Variants in DNAH11 observed in about 807,000 individuals in gnomAD.
The protein encoded by DNAH11 is dynein axonemal heavy chain 11, also known as axonemal beta dynein heavy chain 11.
DNAH11 carries 442 observed loss-of-function variants against 526.0 expected under a neutral mutation model. The observed-to-expected ratio is 0.84, with a 90% CI of 0.78 to 0.91. The LOEUF (loss-of-function observed/expected upper bound fraction) is 0.91, where lower values mean the gene tolerates loss of function less well. Among genes scored for constraint, DNAH11 ranks in the 40% least tolerant of loss-of-function variants. The probability of loss-of-function intolerance (pLI) is 0.00; values close to 1 mark genes in which losing one functional copy is unlikely to be tolerated. For synonymous variants in DNAH11, 2,461 were observed against 1,935.9 expected (o/e 1.27, Z -7.12); for missense variants, 6,989 against 5,448.7 (o/e 1.28, Z -8.90).
chr7:21,702,108 A>G (rs1784088628), intron 36 of DNAH11, among the ~76,000 whole-genome samples: 1 of 152,210 alleles, frequency 6.6e-6, no homozygotes, highest in African/African-American at 2.4e-5. Context: ...ATTGTATCCA[A>G]TCTCAGAAGT....
At chr7:21,646,318 A>T (rs1403404561) in intron 28 of DNAH11, among the ~76,000 whole-genome samples, 1 of 152,198 alleles carries the variant, frequency 6.6e-6, no homozygotes, top group Non-Finnish European at 1.5e-5. Context: ...TATATGAAAA[A>T]CAGCAGCTTT....
At chr7:21,693,974 C>T (rs1477788796) in intron 35 of DNAH11, among the ~76,000 whole-genome samples, 3 of 152,060 alleles carry the variant, frequency 2.0e-5, no homozygotes, top group South Asian at 4.2e-4. Flanking sequence ...GGAAGTGCCA[C>T]GCACTTTCAA....
chr7:21,796,977 A>C (rs999033556), intron 61 of DNAH11, among the ~76,000 whole-genome samples: 2 of 152,112 alleles, frequency 1.3e-5, no homozygotes, highest in African/African-American at 2.4e-5. Context: ...GTTTCAGTAA[A>C]ATGGTAGAGA....
At chr7:21,722,170 TG>T (rs1784904769) in intron 44 of DNAH11, among the ~76,000 whole-genome samples, 1 of 152,192 alleles carries the variant, frequency 6.6e-6, no homozygotes, top group African/African-American at 2.4e-5. Context: ...ATCTTTACAA[TG>T]GTTCTTCAAG....
chr7:21,814,741 A>C (rs1477550230), intron 63 of DNAH11, among the ~76,000 whole-genome samples: 4 of 152,082 alleles, frequency 2.6e-5, no homozygotes, highest in Non-Finnish European at 5.9e-5. Flanking sequence ...CCACTGTTGT[A>C]TATGCAGTCC....
chr7:21,633,688 A>T (rs1470697672), intron 25 of DNAH11, among the ~76,000 whole-genome samples: 1 of 152,150 alleles, frequency 6.6e-6, no homozygotes, highest in African/African-American at 2.4e-5. Flanking sequence ...GAGTAGGGAG[A>T]CAAGCAAAAG....
intron 20 of DNAH11, among the ~76,000 whole-genome samples, 192 bp from the exon 21 acceptor site, chr7:21,614,922 C>G (rs553252175): frequency 6.6e-6 from 1 of 152,312 alleles, no homozygotes; most frequent in African/African-American, 2.4e-5. Flanking sequence ...TAACAGTAAT[C>G]TGTTCTCACT....
intron 20 of DNAH11, among the ~76,000 whole-genome samples, chr7:21,612,439 C>T (rs1785565110): frequency 6.6e-6 from 1 of 151,192 alleles, no homozygotes; most frequent in Non-Finnish European, 1.5e-5. Context: ...CCAGTAGTCC[C>T]AGCTACTCAG....
intron 50 of DNAH11, 49 bp downstream of exon 50, chr7:21,744,648 G>C: frequency 6.3e-7 from 1 of 1,597,380 alleles, no homozygotes; most frequent in Non-Finnish European, 8.5e-7. Flanking sequence ...CACCAACTGG[G>C]TATTGGGACT....
chr7:21,893,253 T>C (rs1172222435), intron 77 of DNAH11, among the ~76,000 whole-genome samples: 1 of 152,204 alleles, frequency 6.6e-6, no homozygotes, highest in Non-Finnish European at 1.5e-5. Flanking sequence ...TTAATAGTAT[T>C]CCCAATCAGT....
chr7:21,899,405 C>A lies in DNAH11; in HGVS notation c.13119C>A (p.Val4373=), dbSNP rs774789390. The change falls in exon 80 of 82, where the codon GTC becomes GTA. Residue 4373 remains valine (V), a synonymous_variant. Coordinates refer to ENST00000409508, the MANE Select transcript of DNAH11 (RefSeq NM_001277115.2). ...CACAAGACCTTACCCTTCCGGCTGT[C>A]GTGTGGCTCTCCGGCTTCTTCAACC... ...TWTQDLTLPA[V]VWLSGFFNPQ... The A allele has an allele frequency of 4.3e-6, 7 of 1,613,830 alleles. No homozygotes were observed. In the African/African-American group the frequency reaches 9.3e-5, roughly 22 times the overall value.
intron 54 of DNAH11, among the ~76,000 whole-genome samples, chr7:21,757,210 T>C (rs759685303): frequency 6.6e-5 from 10 of 152,194 alleles, no homozygotes; most frequent in Non-Finnish European, 1.3e-4. Flanking sequence ...CTTTCCTACA[T>C]CTTGGGACAG....
At position 21,589,373 on chromosome 7, in the gene DNAH11, T is replaced by C. The variant is rs1245407970; in HGVS notation, c.2139T>C (p.Asn713=). The change falls in exon 12 of 82, where the codon AAT becomes AAC. Residue 713 remains asparagine, a synonymous_variant. Coordinates refer to ENST00000409508, the MANE Select transcript of DNAH11 (RefSeq NM_001277115.2). ...CCTTGGTTAAATTCAGTGCCATAAA[T>C]GGTCTTCTCTGTGTCAATTTTGACC... ...NQPLVKFSAI[N]GLLCVNFDPK... is the part of the protein sequence containing the mutation. The C allele has an allele frequency of 6.2e-7, 1 of 1,607,104 alleles. No homozygotes were observed. Among genetic ancestry groups the C allele is most frequent in the East Asian group, 2.3e-5 (1 of 44,374 alleles).
chr7:21,580,787 G>C (rs1368344556), intron 8 of DNAH11, among the ~76,000 whole-genome samples: 1 of 152,164 alleles, frequency 6.6e-6, no homozygotes, highest in Non-Finnish European at 1.5e-5. Context: ...ATCGTATTGA[G>C]GGTTAGGATT....
At chr7:21,874,445 C>A (rs551851523) in intron 74 of DNAH11, among the ~76,000 whole-genome samples, 1 of 152,108 alleles carries the variant, frequency 6.6e-6, no homozygotes, top group East Asian at 1.9e-4. Context: ...AAGCGATTCT[C>A]CTGCCTCAGC....
chr7:21,704,728 C>A, intron 38 of DNAH11, 100 bp downstream of exon 38: 1 of 1,300,378 alleles, frequency 7.7e-7, no homozygotes, highest in Non-Finnish European at 1.0e-6. Context: ...TGTACCCTAA[C>A]CTTAATAGGA....
chr7:21,808,469 A>G (rs1012873130), intron 63 of DNAH11, among the ~76,000 whole-genome samples: 3 of 152,148 alleles, frequency 2.0e-5, no homozygotes, highest in Non-Finnish European at 1.5e-5. Context: ...GTTATTGAGT[A>G]CTGGCACTTA....
intron 47 of DNAH11, among the ~76,000 whole-genome samples, chr7:21,739,350 C>T (rs577615866): frequency 4.6e-5 from 7 of 152,136 alleles, no homozygotes; most frequent in Non-Finnish European, 1.0e-4. Flanking sequence ...TACATTGACG[C>T]AGCTCCAGAT....
chr7:21,626,694 G>C (rs943416120), intron 25 of DNAH11, among the ~76,000 whole-genome samples: 1 of 147,880 alleles, frequency 6.8e-6, no homozygotes, highest in African/African-American at 2.5e-5. Context: ...ATTTCTCTTA[G>C]GATTAGTGAT....
Sources: allele counts gnomAD v4.1 joint callset (sites outside exome capture counted in the v4.1 genomes callset), GRCh38; gene constraint gnomAD v4.1.1; transcripts MANE v1.5; gene names NCBI Gene and HGNC (gene_info 2026-07-23, HGNC 2026-07-21).